Variants in ATXN1 observed in about 807,000 individuals in gnomAD.
The protein encoded by ATXN1 is ataxin-1.
ATXN1 carries 8 observed loss-of-function variants against 56.4 expected under a neutral mutation model. The ratio of observed to expected loss-of-function variants is 0.14; its 90% CI spans 0.08 to 0.26. The LOEUF (loss-of-function observed/expected upper bound fraction) is 0.26, where lower values mean the gene tolerates loss of function less well. Among genes scored for constraint, ATXN1 ranks in the 10% least tolerant of loss-of-function variants. The pLI, the probability that ATXN1 is intolerant of heterozygous loss-of-function variation, is 1.00. For synonymous variants in ATXN1, 514 were observed against 494.6 expected, an observed-to-expected ratio of 1.04 and a Z score of -0.52; for missense variants, 987 against 1,106.5, an observed-to-expected ratio of 0.89 and a Z score of 1.53.
chr6:16,674,792 G>C (rs1378249919), intron 2 of ATXN1, among the ~76,000 whole-genome samples: 1 of 152,162 alleles, frequency 6.6e-6, no homozygotes, highest in African/African-American at 2.4e-5. Context: ...TGGCAAAACA[G>C]ATGGTTTGGA....
intron 6 of ATXN1, among the ~76,000 whole-genome samples, chr6:16,435,393 C>A (rs573031593): frequency 1.3e-5 from 2 of 151,856 alleles, no homozygotes; most frequent in African/African-American, 2.4e-5. Flanking sequence ...AGAGACTAAG[C>A]CATGAGGAAC....
intron 6 of ATXN1, among the ~76,000 whole-genome samples, chr6:16,374,961 C>T (rs866504841): frequency 2.0e-5 from 3 of 152,180 alleles, no homozygotes; most frequent in African/African-American, 4.8e-5. Flanking sequence ...ACTGACTTTG[C>T]GGCAGCAGCT....
chr6:16,760,601 C>G lies in ATXN1; in HGVS notation c.-730+697G>C, dbSNP rs1160286022. ...CGGCACCCGGCCGCGCGCAAAGTCCCGTCCCGGCTGCAGGAGCAGTCCCTT... is the reference window on the plus strand; with the variant it reads ...CGGCACCCGGCCGCGCGCAAAGTCCGGTCCCGGCTGCAGGAGCAGTCCCTT... On this transcript the variant is annotated intron_variant, in intron 1 of 7. Coordinates refer to ENST00000436367, the MANE Select transcript of ATXN1 (RefSeq NM_001128164.2). This position sits in a 1 kb window ranked among gnomAD's most constrained non-coding sequence, Gnocchi z 5.3. Among the ~76,000 whole-genome samples the G allele has an allele frequency of 4.0e-5, 6 of 151,098 alleles. No homozygotes were observed. The highest frequency in any genetic ancestry group is 1.5e-4 in the African/African-American group (6 of 41,252).
At chr6:16,346,921 T>C (rs1761411486) in intron 6 of ATXN1, among the ~76,000 whole-genome samples, 1 of 152,208 alleles carries the variant, frequency 6.6e-6, no homozygotes, top group Non-Finnish European at 1.5e-5. Context: ...GCGCGTTGCT[T>C]GTGGGCCAGC....
chr6:16,326,353 G>A lies in ATXN1; in HGVS notation c.1917+41C>T, dbSNP rs377195657. 23 of 1,603,222 alleles carry A rather than the reference G, an allele frequency of 1.4e-5. No homozygotes were observed. The highest frequency in any genetic ancestry group is 1.7e-4 in the Middle Eastern group (1 of 6,038). On this transcript the variant is annotated intron_variant, in intron 7 of 7. Coordinates refer to ENST00000436367, the MANE Select transcript of ATXN1 (RefSeq NM_001128164.2). This position sits in a 1 kb window ranked among gnomAD's most constrained non-coding sequence, Gnocchi z 6.6. ...TGCCAGGAGATGATGATGGCATCAC[G>A]GTGTGGTGTCCCATCCCTGTGCCAC...
intron 3 of ATXN1, among the ~76,000 whole-genome samples, chr6:16,587,818 T>C (rs1387598219): frequency 1.3e-5 from 2 of 150,844 alleles, no homozygotes; most frequent in Non-Finnish European, 3.0e-5. Context: ...GTAATCCCAG[T>C]GACCCGGGAG....
chr6:16,724,548 G>A (rs1049617384), intron 2 of ATXN1, among the ~76,000 whole-genome samples: 1 of 152,164 alleles, frequency 6.6e-6, no homozygotes, highest in Admixed American at 6.5e-5. Context: ...ACAGCCACTG[G>A]AGCTGGCTAT....
chr6:16,598,292 T>C lies in ATXN1; in HGVS notation c.-488-12385A>G, dbSNP rs1471656767. On this transcript the variant is annotated intron_variant, in intron 3 of 7. Transcript: ENST00000436367. ...AAGATCACAGCCCTCCAGCAACACA[T>C]TGATACCTGAAACTCCATAATTAAG... Among the ~76,000 whole-genome samples the C allele has an allele frequency of 3.3e-5, 5 of 152,282 alleles. No individual in the cohort carries two copies. The East Asian group carries it at 7.7e-4, about 24-fold the overall frequency.
intron 4 of ATXN1, among the ~76,000 whole-genome samples, chr6:16,546,481 C>T (rs1761816949): frequency 6.6e-6 from 1 of 152,146 alleles, no homozygotes; most frequent in Non-Finnish European, 1.5e-5. Flanking sequence ...TTACCACTCC[C>T]TTCAGACGTT....
chr6:16,335,445 T>C (rs1394963754), intron 6 of ATXN1, among the ~76,000 whole-genome samples: 1 of 152,172 alleles, frequency 6.6e-6, no homozygotes, highest in African/African-American at 2.4e-5. Flanking sequence ...GGACATGGGA[T>C]CTTGCTCTTC....
Position 16,324,791 on chromosome 6 carries a change from G to A in ATXN1, c.1917+1603C>T, listed in dbSNP as rs186413215. On this transcript the variant is annotated intron_variant, in intron 7 of 7. Coordinates refer to ENST00000436367, the MANE Select transcript of ATXN1 (RefSeq NM_001128164.2). Reference sequence around the variant, plus strand: ...GAAGGAGCCTGTGGAAATTAAGAGCGTTAACCATACTTCCAGTGACTCATC... The same window carrying A: ...GAAGGAGCCTGTGGAAATTAAGAGCATTAACCATACTTCCAGTGACTCATC... Among the ~76,000 whole-genome samples, 351 of 152,290 alleles carry A rather than the reference G, an allele frequency of 2.3e-3. 2 individuals are homozygous for A. The highest frequency in any genetic ancestry group is 6.8e-3 in the Middle Eastern group (2 of 294).
At chr6:16,344,355 G>T (rs534569154) in intron 6 of ATXN1, among the ~76,000 whole-genome samples, 1 of 152,306 alleles carries the variant, frequency 6.6e-6, no homozygotes, top group South Asian at 2.1e-4. Context: ...ATTATTCTTG[G>T]TTGTGTCTGT....
At chr6:16,631,297 T>C (rs1456879672) in intron 3 of ATXN1, among the ~76,000 whole-genome samples, 5 of 152,198 alleles carry the variant, frequency 3.3e-5, no homozygotes, top group Admixed American at 6.5e-5. Flanking sequence ...TGTGGCTTCA[T>C]GAATATAATG....
intron 6 of ATXN1, among the ~76,000 whole-genome samples, chr6:16,377,734 T>A (rs746919900): frequency 1.3e-5 from 2 of 152,182 alleles, no homozygotes; most frequent in African/African-American, 2.4e-5. Context: ...GAAGACAAGA[T>A]GTAAGCTGAA....
intron 2 of ATXN1, among the ~76,000 whole-genome samples, chr6:16,704,643 G>C (rs1759366729): frequency 1.3e-5 from 2 of 152,190 alleles, no homozygotes; most frequent in Non-Finnish European, 1.5e-5. Flanking sequence ...TGAAGCCGCA[G>C]TGCAATGTGA....
chr6:16,679,221 A>AGGGT, intron 2 of ATXN1, among the ~76,000 whole-genome samples: 1 of 148,008 alleles, frequency 6.8e-6, no homozygotes, highest in African/African-American at 2.5e-5. Context: ...GATGGGTGGA[A>AGGGT]GGATGAATAG....
Position 16,310,544 on chromosome 6 carries a change from G to A in ATXN1, c.1918-3685C>T, listed in dbSNP as rs542821479. Among the ~76,000 whole-genome samples the A allele has an allele frequency of 1.8e-3, 280 of 152,090 alleles. 1 individual carries two copies. Among genetic ancestry groups the A allele is most frequent in the Non-Finnish European group, 6.8e-4 (46 of 67,958 alleles). The stretch of plus-strand genomic sequence containing the variant: ...GTCGCCCAGGCTGGAGTGCAGTGGC[G>A]CGATCTCGGCTCACTGCAATCTCCG... On this transcript the variant is annotated intron_variant, in intron 7 of 7. Transcript: ENST00000436367.
rs34197922 is a variant in ATXN1, at chr6:16,504,993, CT to C, written c.-299+17633del. Among the ~76,000 whole-genome samples the C allele has an allele frequency of 5.2e-3, 706 of 135,230 alleles. 3 individuals are homozygous for C. The highest frequency in any genetic ancestry group is 9.5e-3 in the African/African-American group (334 of 35,036). 88.7% of individuals were successfully genotyped at this position (135,230 alleles called of 152,430 possible). ...CTCCTGCAATCAGCTCTCCTGTTTCCTTTTTTTTTTTTTTTTTAGCTTTAGC... is the reference window on the plus strand; with the variant it reads ...CTCCTGCAATCAGCTCTCCTGTTTCCTTTTTTTTTTTTTTTTAGCTTTAGC... On this transcript the variant is annotated intron_variant, in intron 5 of 7. Coordinates refer to ENST00000436367, the MANE Select transcript of ATXN1 (RefSeq NM_001128164.2).
At chr6:16,457,538 T>C (rs1188690202) in intron 6 of ATXN1, among the ~76,000 whole-genome samples, 1 of 152,088 alleles carries the variant, frequency 6.6e-6, no homozygotes, top group African/African-American at 2.4e-5. Flanking sequence ...TGCACTACGG[T>C]CTGGCCTTAA....
Sources: gnomAD v4.1 joint callset for allele counts (sites outside exome capture counted in the v4.1 genomes callset) on GRCh38, gnomAD v4.1.1 for gene constraint, Gnocchi (gnomAD v3.1) non-coding constraint, MANE v1.5 for transcripts, NCBI Gene and HGNC (gene_info 2026-07-23, HGNC 2026-07-21) for gene names.